The following DACH1 variants were observed in gnomAD, a reference collection of about 807,000 sequenced individuals.
DACH1 encodes dachshund family transcription factor 1, also known as dachshund homolog 1.
DACH1 carries 12 observed loss-of-function variants against 54.2 expected under a neutral mutation model. The ratio of observed to expected loss-of-function variants is 0.22; its 90% CI spans 0.14 to 0.36. DACH1 has a LOEUF of 0.36. Ranked by LOEUF, DACH1 falls within the 10% of genes least tolerant of loss-of-function variation. DACH1 has a pLI of 1.00. For missense variants in DACH1, 805 were observed against 929.8 expected (o/e 0.87, Z 1.75); for synonymous variants, 386 against 366.2 (o/e 1.05, Z -0.62).
At chr13:71,499,108 C>A (rs1027732504) in intron 6 of DACH1, among the ~76,000 whole-genome samples, 2 of 111,634 alleles carry the variant, frequency 1.8e-5, no homozygotes, top group South Asian at 1.1e-3. Context: ...CATGCGAGCA[C>A]GCGCACACAC....
At chr13:71,505,470 A>G (rs2138242800) in intron 6 of DACH1, among the ~76,000 whole-genome samples, 1 of 152,288 alleles carries the variant, frequency 6.6e-6, no homozygotes, top group Middle Eastern at 3.4e-3. Context: ...TGTTGAAGCA[A>G]TTTCAAAGTA....
intron 1 of DACH1, among the ~76,000 whole-genome samples, chr13:71,692,215 T>A (rs974045282): frequency 9.2e-5 from 14 of 152,240 alleles, no homozygotes; most frequent in Non-Finnish European, 1.5e-4. Flanking sequence ...GGTGCTTAAT[T>A]GGGTCAAAGG....
chr13:71,824,042 C>T (rs891198448), intron 1 of DACH1, among the ~76,000 whole-genome samples: 1 of 151,748 alleles, frequency 6.6e-6, no homozygotes, highest in African/African-American at 2.4e-5. Flanking sequence ...AACCTCTTGC[C>T]ACATGCCATG....
rs534776536 is a variant in DACH1, at chr13:71,837,547, A to T, written c.848+28375T>A. Among the ~76,000 whole-genome samples, 13 of 152,180 alleles carry T rather than the reference A, an allele frequency of 8.5e-5. No individual in the cohort carries two copies. In the East Asian group the frequency reaches 2.5e-3, roughly 29 times the overall value. ...GATAGTCAACATTGGTAAACCCTGA[A>T]AATTAACACGGCTTATATTCCTTTT... is the stretch of plus-strand genomic sequence containing the variant. On this transcript the variant is annotated intron_variant, in intron 1 of 10. Transcript: ENST00000613252.
chr13:71,634,870 G>T (rs1414319684), intron 2 of DACH1, among the ~76,000 whole-genome samples: 32 of 152,094 alleles, frequency 2.1e-4, no homozygotes, highest in Admixed American at 2.0e-3. Flanking sequence ...GTATATATCT[G>T]GTTAATCTTA....
At position 71,475,212 on chromosome 13, in the gene DACH1, A is replaced by G. The variant is rs1254907893; in HGVS notation, c.2015-3T>C. 1.2e-6 allele frequency: 2 copies of G among 1,612,580 alleles called. No homozygotes were observed. Among genetic ancestry groups the G allele is most frequent in the South Asian group, 1.1e-5 (1 of 91,032 alleles). On this transcript the variant is annotated splice_region_variant and splice_polypyrimidine_tract_variant and intron_variant, in intron 9 of 10. Transcript: ENST00000613252. ...CTCTATCTCTGGGGTCAGAGAGTCTAAAAGCACAGAAAGGTAAGAGTGACA... is the reference window on the plus strand; with the variant it reads ...CTCTATCTCTGGGGTCAGAGAGTCTGAAAGCACAGAAAGGTAAGAGTGACA...
At chr13:71,843,415 C>T (rs951491186) in intron 1 of DACH1, among the ~76,000 whole-genome samples, 5 of 152,032 alleles carry the variant, frequency 3.3e-5, no homozygotes, top group Non-Finnish European at 5.9e-5. Context: ...CAGGTACATG[C>T]CACCATGCCT....
chr13:71,685,180 C>T (rs970062732), intron 1 of DACH1, among the ~76,000 whole-genome samples: 3 of 152,198 alleles, frequency 2.0e-5, no homozygotes, highest in East Asian at 1.9e-4. Context: ...CTTTAATTCA[C>T]GCTGTGATTA....
intron 1 of DACH1, among the ~76,000 whole-genome samples, chr13:71,711,573 A>C (rs985076164): frequency 6.6e-6 from 1 of 152,228 alleles, no homozygotes; most frequent in Admixed American, 6.5e-5. Context: ...CCATTTTAAC[A>C]TGAGTAAACC....
chr13:71,802,298 G>C (rs1283284660), intron 1 of DACH1, among the ~76,000 whole-genome samples: 1 of 152,024 alleles, frequency 6.6e-6, no homozygotes. Context: ...AAATAACTTT[G>C]AGAAATAGGG....
At chr13:71,738,884 T>G (rs1429559272) in intron 1 of DACH1, among the ~76,000 whole-genome samples, 2 of 151,496 alleles carry the variant, frequency 1.3e-5, no homozygotes, top group Non-Finnish European at 2.9e-5. Flanking sequence ...AGTTAATAAA[T>G]TTTTATGGAA....
At chr13:71,796,410 T>C (rs1887053339) in intron 1 of DACH1, among the ~76,000 whole-genome samples, 1 of 152,120 alleles carries the variant, frequency 6.6e-6, no homozygotes, top group African/African-American at 2.4e-5. Context: ...ACACATAGTA[T>C]ATTATACTAT....
At chr13:71,470,405 T>C (rs1290833145) in intron 10 of DACH1, among the ~76,000 whole-genome samples, 3 of 151,286 alleles carry the variant, frequency 2.0e-5, no homozygotes, top group Non-Finnish European at 4.4e-5. Context: ...GCCTCAAAGG[T>C]TCAAGTGATT....
intron 1 of DACH1, among the ~76,000 whole-genome samples, chr13:71,709,215 A>T (rs1882596948): frequency 6.6e-6 from 1 of 151,998 alleles, no homozygotes; most frequent in South Asian, 2.1e-4. Flanking sequence ...ACTTTTTTAA[A>T]ATATCAATTC....
chr13:71,614,431 A>G (rs563202403), intron 3 of DACH1, among the ~76,000 whole-genome samples: 4 of 152,326 alleles, frequency 2.6e-5, no homozygotes, highest in African/African-American at 9.6e-5. Flanking sequence ...TATAATGTCC[A>G]AGAAATTATG....
At chr13:71,542,092 A>G (rs1411814453) in intron 6 of DACH1, among the ~76,000 whole-genome samples, 2 of 151,866 alleles carry the variant, frequency 1.3e-5, no homozygotes, top group Admixed American at 6.6e-5. Flanking sequence ...TATTAAAAAT[A>G]CTAAAAAATT....
chr13:71,713,843 A>G (rs550793151), intron 1 of DACH1, among the ~76,000 whole-genome samples: 17 of 152,230 alleles, frequency 1.1e-4, no homozygotes, highest in Middle Eastern at 3.4e-3. Flanking sequence ...GATCAAATTC[A>G]GAAAAATTAG....
intron 3 of DACH1, among the ~76,000 whole-genome samples, chr13:71,626,994 G>A (rs182843271): frequency 5.3e-5 from 8 of 151,978 alleles, no homozygotes; most frequent in Admixed American, 1.3e-4. Context: ...GGAGAATGGC[G>A]ACATGGCCAT....
At chr13:71,519,883 G>GTGTATATATATATATATATATATATA (rs552808622) in intron 6 of DACH1, among the ~76,000 whole-genome samples, 760 of 29,224 alleles carry the variant, frequency 0.026, 172 homozygotes, top group Non-Finnish European at 0.051. Context: ...AACCAAAGTA[G>GTGTATATATATATATATATATATATA]TATATATATA....
Sources: gnomAD v4.1 joint callset for allele counts (sites outside exome capture counted in the v4.1 genomes callset) on GRCh38, gnomAD v4.1.1 for gene constraint, MANE v1.5 for transcripts, NCBI Gene and HGNC (gene_info 2026-07-23, HGNC 2026-07-21) for gene names.